The following FAM124A variants were observed in gnomAD, a reference collection of about 807,000 sequenced individuals.
FAM124A encodes protein FAM124A.
In FAM124A, 23 loss-of-function variants were observed where a neutral mutation model predicts 24.5. The observed-to-expected ratio is 0.94, with a 90% CI of 0.68 to 1.33. The LOEUF is 1.33. FAM124A is among the 40% of genes most tolerant of loss of function. The pLI is 0.00. For synonymous variants in FAM124A, 287 were observed against 314.7 expected, an observed-to-expected ratio of 0.91 and a Z score of 0.93; for missense variants, 623 against 722.8, an observed-to-expected ratio of 0.86 and a Z score of 1.58.
chr13:51,266,470 G>C (rs1379413954), intron 3 of FAM124A, among the ~76,000 whole-genome samples: 2 of 152,172 alleles, frequency 1.3e-5, no homozygotes, highest in Non-Finnish European at 2.9e-5. Flanking sequence ...TGCATCTGCA[G>C]GTGTTTGTTT....
chr13:51,268,699 C>T (rs765917319), intron 3 of FAM124A, among the ~76,000 whole-genome samples: 1 of 152,228 alleles, frequency 6.6e-6, no homozygotes, highest in Non-Finnish European at 1.5e-5. Context: ...CCAAGATCCA[C>T]TTAAGTCTAA....
chr13:51,241,708 C>CA (rs1315766895), intron 2 of FAM124A, among the ~76,000 whole-genome samples: 14 of 149,102 alleles, frequency 9.4e-5, no homozygotes, highest in Non-Finnish European at 1.5e-4. Flanking sequence ...TTAAAATTTT[C>CA]AAAATATTTG....
intron 3 of FAM124A, among the ~76,000 whole-genome samples, chr13:51,277,375 A>G (rs1263920132): frequency 6.6e-6 from 1 of 152,112 alleles, no homozygotes; most frequent in Non-Finnish European, 1.5e-5. Flanking sequence ...AAAATTACCT[A>G]TTGGGTGCGC....
At position 51,258,220 on chromosome 13, in the gene FAM124A, G is replaced by A. The variant is rs1186750368; in HGVS notation, c.834+6019G>A. Among the ~76,000 whole-genome samples the A allele has an allele frequency of 6.6e-6, 1 of 152,154 alleles. No homozygotes were observed. Among genetic ancestry groups the A allele is most frequent in the Non-Finnish European group, 1.5e-5 (1 of 68,040 alleles). On this transcript the variant is annotated intron_variant, in intron 3 of 3. Transcript: ENST00000322475. This position sits in a 1 kb window ranked among gnomAD's most constrained non-coding sequence, Gnocchi z 4.2. The stretch of plus-strand genomic sequence containing the variant: ...TTAGGGGCTCACCTTTCTCCAGCAT[G>A]ACCTCATCCTAATTAAGCTCATTCC...
At chr13:51,229,656 T>C (rs1221057882) in intron 1 of FAM124A, among the ~76,000 whole-genome samples, 2 of 152,260 alleles carry the variant, frequency 1.3e-5, no homozygotes, top group African/African-American at 4.8e-5. Flanking sequence ...TGTATTTGAA[T>C]AGTCATGACA....
chr13:51,243,656 C>A (rs1008630465), intron 2 of FAM124A, among the ~76,000 whole-genome samples: 1 of 152,202 alleles, frequency 6.6e-6, no homozygotes, highest in African/African-American at 2.4e-5. Context: ...GACTCAGCCT[C>A]CCAAGTATCT....
chr13:51,234,642 T>C (rs1357279085), intron 2 of FAM124A, among the ~76,000 whole-genome samples: 1 of 152,042 alleles, frequency 6.6e-6, no homozygotes, highest in Non-Finnish European at 1.5e-5. Flanking sequence ...TCCAAGAAAC[T>C]CCTCTACAAA....
Position 51,251,401 on chromosome 13 carries a change from A to G in FAM124A, c.101-67A>G. The G allele has an allele frequency of 6.8e-7, 1 of 1,469,836 alleles. No individual in the cohort carries two copies. Among genetic ancestry groups the G allele is most frequent in the Non-Finnish European group, 9.0e-7 (1 of 1,109,450 alleles). 91.0% of individuals were successfully genotyped at this position (1,469,836 alleles called of 1,614,324 possible). A position where few individuals can be genotyped will look rare whatever the true frequency, so the allele number is the denominator to read the frequency against. Reference sequence around the variant, plus strand: ...TCCTGTCAAGCCTGTACACGTCATCACTGGACACTTTAATGAAATAATCAT... The same window carrying G: ...TCCTGTCAAGCCTGTACACGTCATCGCTGGACACTTTAATGAAATAATCAT... On this transcript the variant is annotated intron_variant, in intron 2 of 3. Transcript: ENST00000322475. This position sits in a 1 kb window ranked among gnomAD's most constrained non-coding sequence, Gnocchi z 5.3.
At chr13:51,225,612 GGAAGGAGAGATCAACTAT>G (rs1010751974) in intron 1 of FAM124A, among the ~76,000 whole-genome samples, 24 of 152,200 alleles carry the variant, frequency 1.6e-4, no homozygotes, top group African/African-American at 4.8e-4. Flanking sequence ...TTTTGAGAAA[GGAAGGAGAGATCAACTAT>G]GCTACTGAGA....
In FAM124A at chr13:51,251,605, C is replaced by T. The variant is rs1162994596; in HGVS notation, c.238C>T (p.Arg80Trp). 4 of 1,574,068 alleles carry T rather than the reference C, an allele frequency of 2.5e-6. No homozygotes were observed. The highest frequency in any genetic ancestry group is 1.8e-5 in the Admixed American group (1 of 56,838). Reference protein sequence around the residue: ...AWIHPDLPLFRVSERRASRRR... With the variant: ...AWIHPDLPLFWVSERRASRRR... ...GATCCACCCCGACCTCCCGCTGTTC[C>T]GGGTGTCCGAGAGGCGGGCGTCCCG... The change falls in exon 3 of 4, where the codon CGG (arginine) becomes TGG (tryptophan). Residue 80 changes from arginine to tryptophan, a missense_variant. Transcript: ENST00000322475. This position sits in a 1 kb window ranked among gnomAD's most constrained non-coding sequence, Gnocchi z 5.3.
chr13:51,255,496 T>C (rs574118268), intron 3 of FAM124A, among the ~76,000 whole-genome samples: 15 of 152,310 alleles, frequency 9.8e-5, no homozygotes, highest in African/African-American at 2.4e-4. Context: ...CAAAGTTGAC[T>C]TTGAGTTCTT....
At chr13:51,268,844 C>A (rs1447439086) in intron 3 of FAM124A, among the ~76,000 whole-genome samples, 3 of 152,186 alleles carry the variant, frequency 2.0e-5, no homozygotes, top group African/African-American at 7.2e-5. Context: ...ACAGCTGGGG[C>A]TTCCAGGTTC....
At position 51,251,290 on chromosome 13, in the gene FAM124A, G is replaced by A. The variant is rs140017654; in HGVS notation, c.101-178G>A. Among the ~76,000 whole-genome samples the A allele has an allele frequency of 2.0e-5, 3 of 152,164 alleles. No homozygotes were observed. Among genetic ancestry groups the A allele is most frequent in the Non-Finnish European group, 2.9e-5 (2 of 68,038 alleles). ...AGCCCTTTCCTCTTTGGCTGCTAAG[G>A]TGCTGGCATAGTAGTTTTTATAGGT... On this transcript the variant is annotated intron_variant, in intron 2 of 3. Transcript: ENST00000322475. This position sits in a 1 kb window ranked among gnomAD's most constrained non-coding sequence, Gnocchi z 5.3.
intron 2 of FAM124A, among the ~76,000 whole-genome samples, chr13:51,243,839 A>G (rs529815995): frequency 6.6e-6 from 1 of 152,110 alleles, no homozygotes; most frequent in South Asian, 2.1e-4. Flanking sequence ...CCCAGCCCAG[A>G]TCTGGTCTTT....
At chr13:51,268,087 C>A (rs963533522) in intron 3 of FAM124A, among the ~76,000 whole-genome samples, 1 of 152,212 alleles carries the variant, frequency 6.6e-6, no homozygotes, top group African/African-American at 2.4e-5. Context: ...AGAGAAGGAA[C>A]AGGACTTGTT....
At chr13:51,226,684 G>A (rs763958658) in intron 1 of FAM124A, among the ~76,000 whole-genome samples, 2 of 152,192 alleles carry the variant, frequency 1.3e-5, no homozygotes, top group Non-Finnish European at 2.9e-5. Context: ...AACAAGGGCT[G>A]TCAGGGTATT....
chr13:51,224,235 G>T (rs1298326817), intron 1 of FAM124A, among the ~76,000 whole-genome samples: 1 of 152,266 alleles, frequency 6.6e-6, no homozygotes, highest in African/African-American at 2.4e-5. Context: ...TTGGGTGGCC[G>T]AGGTGGGCGG....
chr13:51,272,316 C>T lies in FAM124A; in HGVS notation c.835-8134C>T, dbSNP rs934781219. On this transcript the variant is annotated intron_variant, in intron 3 of 3. Coordinates refer to ENST00000322475, the MANE Select transcript of FAM124A (RefSeq NM_001242312.2). This position sits in a 1 kb window ranked among gnomAD's most constrained non-coding sequence, Gnocchi z 4.2. ...CCCCAAACCACACTCCCCTCCTGCC[C>T]GCACTGATTGTCTCTTGTCTTTATC... Among the ~76,000 whole-genome samples, 3 of 152,138 alleles carry T rather than the reference C, an allele frequency of 2.0e-5. No individual in the cohort carries two copies. The highest frequency in any genetic ancestry group is 6.5e-5 in the Admixed American group (1 of 15,274).
intron 1 of FAM124A, among the ~76,000 whole-genome samples, chr13:51,230,246 A>T (rs1954360554): frequency 6.6e-6 from 1 of 152,192 alleles, no homozygotes; most frequent in African/African-American, 2.4e-5. Context: ...TCGACCAATA[A>T]ATCAATGCAG....
Sources: allele counts gnomAD v4.1 joint callset (sites outside exome capture counted in the v4.1 genomes callset), GRCh38; gene constraint gnomAD v4.1.1; non-coding constraint Gnocchi (gnomAD v3.1); transcripts MANE v1.5; gene names NCBI Gene and HGNC (gene_info 2026-07-23, HGNC 2026-07-21).